Variants in XYLB observed in about 807,000 individuals in gnomAD.
XYLB encodes the protein xylulokinase, also known as xylulose kinase.
Under a neutral mutation model 78.7 loss-of-function variants are expected in XYLB, and 62 were observed. The ratio of observed to expected loss-of-function variants is 0.79; its 90% CI spans 0.64 to 0.97. The LOEUF is 0.97. Ranked by LOEUF, XYLB falls within the 50% of genes least tolerant of loss-of-function variation. The probability of loss-of-function intolerance (pLI) is 0.00; values close to 1 mark genes in which losing one functional copy is unlikely to be tolerated. For missense variants in XYLB, 687 were observed against 676.8 expected (o/e 1.02, Z -0.17); for synonymous variants, 245 against 247.4 (o/e 0.99, Z 0.09).
chr3:38,446,301 A>G, the XYLB span, among the ~76,000 whole-genome samples: 1 of 152,130 alleles, frequency 6.6e-6, no homozygotes, highest in South Asian at 2.1e-4. Flanking sequence ...GCTGATTGGC[A>G]CATTTTACAG....
intron 15 of XYLB, among the ~76,000 whole-genome samples, chr3:38,381,850 C>G (rs61139853): frequency 0.041 from 6,304 of 152,280 alleles, 259 homozygotes; most frequent in African/African-American, 0.11. Flanking sequence ...AATTTCACCT[C>G]GGTCCTGTGG....
chr3:38,392,074 G>T (rs1333741594), intron 15 of XYLB, among the ~76,000 whole-genome samples: 3 of 152,154 alleles, frequency 2.0e-5, no homozygotes, highest in Non-Finnish European at 4.4e-5. Context: ...AAACACTGCT[G>T]CTGCTTCTGC....
Position 38,372,668 on chromosome 3 carries a change from C to T in XYLB, c.779C>T (p.Ser260Phe). The change falls in exon 10 of 19, where the codon TCC (serine) becomes TTC (phenylalanine). Residue 260 changes from serine (S) to phenylalanine (F), a missense_variant. Ser to Phe is a radical substitution (Grantham distance 155). Transcript: ENST00000207870. ...PSCSVVGAIS[S>F]YYVQRYGFPP... ...CCCGTCCCTCAGGGAGCCATTTCTTCCTACTACGTCCAGCGCTACGGATTT... is the reference window on the plus strand; with the variant it reads ...CCCGTCCCTCAGGGAGCCATTTCTTTCTACTACGTCCAGCGCTACGGATTT... 1 of 1,614,164 alleles carries T rather than the reference C, an allele frequency of 6.2e-7. No individual in the cohort carries two copies. Among genetic ancestry groups the T allele is most frequent in the South Asian group, 1.1e-5 (1 of 91,078 alleles).
At chr3:38,449,514 T>G in the XYLB span, among the ~76,000 whole-genome samples, 1 of 152,224 alleles carries the variant, frequency 6.6e-6, no homozygotes, top group Non-Finnish European at 1.5e-5. Context: ...TGCCTCAGCC[T>G]CCTGATGTGC....
At position 38,379,334 on chromosome 3, in the gene XYLB, A is replaced by G; in HGVS notation, c.1283A>G (p.Tyr428Cys). ...AGGATTCACGCAGAAGGCCTGGGCT[A>G]TCGAGTCAGTAAGTGAGCCACTGGC... is the stretch of plus-strand genomic sequence containing the variant. ...AKRIHAEGLG[Y>C]RVMSKTKILA... The change falls in exon 15 of 19, where the codon TAT becomes TGT. Residue 428 changes from tyrosine to cysteine, a missense_variant. Transcript: ENST00000207870. 6.2e-7 allele frequency: 1 copy of G among 1,614,062 alleles called. No individual in the cohort carries two copies. The highest frequency in any genetic ancestry group is 8.5e-7 in the Non-Finnish European group (1 of 1,180,008).
the XYLB span, chr3:38,452,274 C>T: frequency 6.6e-6 from 1 of 152,184 alleles, no homozygotes; most frequent in Non-Finnish European, 1.5e-5. Context: ...ATCATTTTCA[C>T]ATAGAATTTC....
At chr3:38,369,670 C>T (rs188683275) in intron 8 of XYLB, among the ~76,000 whole-genome samples, 3 of 152,310 alleles carry the variant, frequency 2.0e-5, no homozygotes, top group African/African-American at 7.2e-5. Flanking sequence ...ACTCTGAGAC[C>T]TTTCCTTGAA....
the XYLB span, among the ~76,000 whole-genome samples, chr3:38,434,295 A>G: frequency 6.6e-6 from 1 of 152,218 alleles, no homozygotes; most frequent in Non-Finnish European, 1.5e-5. Context: ...AAAGTCCAAG[A>G]TAATGATTGA....
intron 17 of XYLB, among the ~76,000 whole-genome samples, chr3:38,398,993 C>G (rs372085047): frequency 6.6e-6 from 1 of 151,878 alleles, no homozygotes; most frequent in Non-Finnish European, 1.5e-5. Context: ...TGCAGTGAGC[C>G]GAGATCGCAC....
intron 1 of XYLB, 102 bp downstream of exon 1, chr3:38,347,027 C>A (rs1171693577): frequency 2.5e-6 from 3 of 1,195,170 alleles, no homozygotes; most frequent in Non-Finnish European, 3.2e-6. Context: ...GGCCCGGCCG[C>A]GGGCGCGCCT....
At chr3:38,352,886 G>A (rs1250710482) in intron 2 of XYLB, among the ~76,000 whole-genome samples, 1 of 152,112 alleles carries the variant, frequency 6.6e-6, no homozygotes, top group Admixed American at 6.6e-5. Context: ...GGAGAGATGA[G>A]CTCACAGGTG....
intron 13 of XYLB, 28 bp from the exon 14 acceptor site, chr3:38,376,890 G>A (rs779709437): frequency 3.6e-5 from 58 of 1,595,480 alleles, no homozygotes; most frequent in East Asian, 2.2e-4. Context: ...GACTAATGAC[G>A]GCTGATCTCT....
chr3:38,431,838 A>G, the XYLB span, among the ~76,000 whole-genome samples: 1 of 152,214 alleles, frequency 6.6e-6, no homozygotes, highest in East Asian at 1.9e-4. Context: ...CTATAATACC[A>G]TCAGACCTCA....
downstream of XYLB, among the ~76,000 whole-genome samples, chr3:38,423,866 C>T (rs1280425988): frequency 6.6e-6 from 1 of 152,200 alleles, no homozygotes. Flanking sequence ...GACTACTACT[C>T]CTTACTCCTA....
chr3:38,447,828 A>G, the XYLB span, among the ~76,000 whole-genome samples: 1 of 152,220 alleles, frequency 6.6e-6, no homozygotes, highest in Non-Finnish European at 1.5e-5. Context: ...TTCTTAAAAG[A>G]GAAGATATAG....
intron 17 of XYLB, among the ~76,000 whole-genome samples, chr3:38,397,911 C>T (rs542584153): frequency 9.9e-5 from 15 of 151,040 alleles, no homozygotes; most frequent in Middle Eastern, 3.4e-3. Flanking sequence ...CTCTGCCTCC[C>T]GGGTTCACAC....
At chr3:38,374,358 G>T (rs1201465040) in intron 10 of XYLB, 104 bp from the exon 11 acceptor site, 23 of 1,532,784 alleles carry the variant, frequency 1.5e-5, no homozygotes, top group Non-Finnish European at 2.0e-5. Context: ...GGTGTGGGTG[G>T]GGGTTGGAGG....
chr3:38,445,704 T>C, the XYLB span, among the ~76,000 whole-genome samples: 21 of 152,296 alleles, frequency 1.4e-4, no homozygotes, highest in African/African-American at 4.3e-4. Flanking sequence ...TGGTTCCAGG[T>C]AAACCAACGC....
Position 38,406,676 on chromosome 3 carries a change from A to G in XYLB, c.1533+5691A>G, listed in dbSNP as rs1468383563. ...TGTATAACTAGAATAACCAATACAG[A>G]GAAGTGCTTAAAGGAGCTGATGGAG... On this transcript the variant is annotated intron_variant, in intron 18 of 18. Transcript: ENST00000207870. Among the ~76,000 whole-genome samples, 13 of 152,386 alleles carry G rather than the reference A, an allele frequency of 8.5e-5. No individual in the cohort carries two copies. The East Asian group carries it at 2.5e-3, about 29-fold the overall frequency.
Sources: gnomAD v4.1 joint callset for allele counts (sites outside exome capture counted in the v4.1 genomes callset) on GRCh38, gnomAD v4.1.1 for gene constraint, MANE v1.5 for transcripts, NCBI Gene and HGNC (gene_info 2026-07-23, HGNC 2026-07-21) for gene names.